The following CHST13 variants were observed in gnomAD, a reference collection of about 807,000 sequenced individuals.
CHST13 encodes carbohydrate sulfotransferase 13, also known as C4ST-3.
Under a neutral mutation model 7.0 loss-of-function variants are expected in CHST13, and 1 was observed. The observed-to-expected ratio is 0.14, with a 90% CI of 0.05 to 0.68. The LOEUF (loss-of-function observed/expected upper bound fraction) is 0.68. Among genes scored for constraint, CHST13 ranks in the 30% least tolerant of loss-of-function variants. CHST13 has a pLI of 0.82. For missense variants in CHST13, 572 were observed against 507.9 expected (o/e 1.13, Z -1.21); for synonymous variants, 257 against 240.9 (o/e 1.07, Z -0.62).
intron 1 of CHST13, among the ~76,000 whole-genome samples, chr3:126,530,523 C>A (rs1385302922): frequency 6.6e-6 from 1 of 152,372 alleles, no homozygotes; most frequent in South Asian, 2.1e-4. Flanking sequence ...CAGTCCCCAG[C>A]CACAGTTCCC....
chr3:126,540,036 A>G (rs915793941), intron 2 of CHST13, among the ~76,000 whole-genome samples: 1 of 148,658 alleles, frequency 6.7e-6, no homozygotes, highest in African/African-American at 2.5e-5. Context: ...CACGCACACC[A>G]CACACCACAC....
chr3:126,538,457 A>G (rs1438563033), intron 2 of CHST13, among the ~76,000 whole-genome samples: 1 of 152,216 alleles, frequency 6.6e-6, no homozygotes, highest in East Asian at 1.9e-4. Context: ...GCCAGGCCAC[A>G]TTCCCCCCGA....
chr3:126,528,355 T>G (rs3856650), intron 1 of CHST13, among the ~76,000 whole-genome samples: 1 of 151,830 alleles, frequency 6.6e-6, no homozygotes, highest in Non-Finnish European at 1.5e-5. Flanking sequence ...TCCATGTAGA[T>G]CTGACCTTCC....
At chr3:126,530,895 T>C (rs1936643773) in intron 1 of CHST13, among the ~76,000 whole-genome samples, 1 of 152,254 alleles carries the variant, frequency 6.6e-6, no homozygotes, top group South Asian at 2.1e-4. Flanking sequence ...CTGGCCCTTG[T>C]TCCTGGGCCT....
intron 1 of CHST13, among the ~76,000 whole-genome samples, chr3:126,532,208 C>T (rs1184066428): frequency 2.0e-5 from 3 of 152,180 alleles, no homozygotes; most frequent in East Asian, 1.9e-4. Flanking sequence ...CTCCCAACTA[C>T]GGATTGTCAT....
intron 2 of CHST13, among the ~76,000 whole-genome samples, chr3:126,537,482 G>C (rs1474533632): frequency 2.0e-5 from 3 of 152,196 alleles, no homozygotes. Context: ...GTAGGTGGCT[G>C]CTCCCCAAAT....
At position 126,541,928 on chromosome 3, in the gene CHST13, G is replaced by A. The variant is rs757930551; in HGVS notation, c.376G>A (p.Ala126Thr). ...CACCAACTGGAAGCGCGTGCTGCTG[G>A]CGCTGAGCGGCCAAGCCCGCGGCGA... ...ACTNWKRVLLALSGQARGDPR... is the reference protein window; with the variant it reads ...ACTNWKRVLLTLSGQARGDPR... Residue 126 changes from alanine to threonine, a missense_variant, in exon 3 of 3, where the codon GCG becomes ACG. Ala to Thr is a moderately conservative substitution (Grantham distance 58). Coordinates refer to ENST00000319340, the MANE Select transcript of CHST13 (RefSeq NM_152889.3). 43 of 1,594,434 alleles carry A rather than the reference G, an allele frequency of 2.7e-5. No individual in the cohort carries two copies. Among genetic ancestry groups the A allele is most frequent in the Non-Finnish European group, 3.4e-5 (40 of 1,171,530 alleles).
chr3:126,534,307 C>T (rs1936717057), intron 1 of CHST13, among the ~76,000 whole-genome samples: 1 of 152,162 alleles, frequency 6.6e-6, no homozygotes, highest in African/African-American at 2.4e-5. Context: ...TTCCTTAAAA[C>T]AGATTTTGAG....
At chr3:126,534,962 G>GT (rs1936738500) in intron 1 of CHST13, among the ~76,000 whole-genome samples, 2 of 131,076 alleles carry the variant, frequency 1.5e-5, no homozygotes, top group East Asian at 2.5e-4. Flanking sequence ...TCCCCAGCCG[G>GT]AGACAGACCA....
intron 1 of CHST13, among the ~76,000 whole-genome samples, chr3:126,525,449 G>C (rs1936519632): frequency 6.6e-6 from 1 of 152,124 alleles, no homozygotes. Context: ...CTTGCCCCTT[G>C]TGTGTCCAGA....
chr3:126,529,134 T>C, intron 1 of CHST13: 1 of 360,166 alleles, frequency 2.8e-6, no homozygotes, highest in Non-Finnish European at 5.2e-6. Flanking sequence ...GCCCTCACCC[T>C]GCACAGGGCG....
At chr3:126,530,981 T>G (rs1873403) in intron 1 of CHST13, among the ~76,000 whole-genome samples, 152,075 of 152,400 alleles carry the variant, frequency 1, 75,878 homozygotes, top group Middle Eastern at 1. Flanking sequence ...TGGGCTTCAG[T>G]TACACGCAGC....
At chr3:126,540,708 G>A (rs1252922620) in intron 2 of CHST13, among the ~76,000 whole-genome samples, 1 of 152,160 alleles carries the variant, frequency 6.6e-6, no homozygotes, top group Non-Finnish European at 1.5e-5. Context: ...CATGATGCAC[G>A]TTTTTAGTTC....
intron 2 of CHST13, among the ~76,000 whole-genome samples, chr3:126,536,836 C>T (rs147744771): frequency 9.6e-4 from 145 of 151,332 alleles, no homozygotes; most frequent in Middle Eastern, 3.4e-3. Flanking sequence ...TACAACTGTA[C>T]CCCACCACCA....
intron 1 of CHST13, among the ~76,000 whole-genome samples, chr3:126,535,601 G>A (rs1407163211): frequency 6.6e-6 from 1 of 151,844 alleles, no homozygotes; most frequent in East Asian, 1.9e-4. Context: ...TCGGGAGACA[G>A]CCGGACAGCA....
chr3:126,536,493 T>A (rs1206491746), intron 2 of CHST13, 140 bp downstream of exon 2: 1 of 630,668 alleles, frequency 1.6e-6, no homozygotes, highest in Non-Finnish European at 2.8e-6. Flanking sequence ...CCAGGCTTTG[T>A]CAGAGAGCAG....
chr3:126,525,121 G>A (rs1010059518), intron 1 of CHST13, among the ~76,000 whole-genome samples: 8 of 152,178 alleles, frequency 5.3e-5, no homozygotes, highest in Admixed American at 2.0e-4. Flanking sequence ...TGGTGGCAAC[G>A]TGCTGGCTAT....
Position 126,536,296 on chromosome 3 carries a change from C to T in CHST13, c.123C>T (p.Ser41=). Residue 41 remains serine, a synonymous_variant, in exon 2 of 3, where the codon TCC becomes TCT. Coordinates refer to ENST00000319340, the MANE Select transcript of CHST13 (RefSeq NM_152889.3). The part of the protein sequence containing the change: ...RPAFGNRALG[S]SWLGGEKRSP... Reference sequence around the variant, plus strand: ...CATTTGGAAACAGAGCCCTGGGCTCCAGCTGGCTTGGTGGGGAGAAGAGAA... The same window carrying T: ...CATTTGGAAACAGAGCCCTGGGCTCTAGCTGGCTTGGTGGGGAGAAGAGAA... 6.2e-7 allele frequency: 1 copy of T among 1,614,036 alleles called. No individual in the cohort carries two copies. The highest frequency in any genetic ancestry group is 1.1e-5 in the South Asian group (1 of 91,062).
intron 1 of CHST13, among the ~76,000 whole-genome samples, chr3:126,532,799 A>T (rs1033261459): frequency 6.6e-6 from 1 of 152,250 alleles, no homozygotes; most frequent in African/African-American, 2.4e-5. Context: ...ATTTTGGCAG[A>T]AAAAGGCAGC....
Sources: gnomAD v4.1 joint callset for allele counts (sites outside exome capture counted in the v4.1 genomes callset) on GRCh38, gnomAD v4.1.1 for gene constraint, MANE v1.5 for transcripts, NCBI Gene and HGNC (gene_info 2026-07-23, HGNC 2026-07-21) for gene names.